RELB: variants seen among roughly 807,000 people sequenced by gnomAD.
RELB encodes the protein RELB proto-oncogene, NF-kB subunit.
RELB carries 14 observed loss-of-function variants against 55.4 expected under a neutral mutation model. The ratio of observed to expected loss-of-function variants is 0.25; its 90% CI spans 0.17 to 0.40. The LOEUF (loss-of-function observed/expected upper bound fraction) is 0.40, where lower values mean the gene tolerates loss of function less well. RELB is among the 10% of genes least tolerant of loss of function. The pLI, the probability that RELB is intolerant of heterozygous loss-of-function variation, is 1.00. For missense variants in RELB, 669 were observed against 830.7 expected, an observed-to-expected ratio of 0.81 and a Z score of 2.39; for synonymous variants, 409 against 371.3, an observed-to-expected ratio of 1.10 and a Z score of -1.17.
At chr19:45,031,729 C>T (rs1013845504) in intron 8 of RELB, among the ~76,000 whole-genome samples, 1 of 151,722 alleles carries the variant, frequency 6.6e-6, no homozygotes, top group African/African-American at 2.4e-5. Context: ...GCGCCTGCCA[C>T]CATGCCCGGC....
chr19:45,033,356 G>A (rs774481507), intron 9 of RELB, among the ~76,000 whole-genome samples: 6 of 152,080 alleles, frequency 3.9e-5, no homozygotes, highest in Non-Finnish European at 5.9e-5. Context: ...TCCTGAGGCC[G>A]GATTGTGCCT....
chr19:45,034,716 G>T (rs1366148059), intron 11 of RELB, among the ~76,000 whole-genome samples, 188 bp downstream of exon 11: 1 of 152,086 alleles, frequency 6.6e-6, no homozygotes, highest in African/African-American at 2.4e-5. Flanking sequence ...ATCTCTTCTG[G>T]GCCATTTCCT....
intron 4 of RELB, among the ~76,000 whole-genome samples, chr19:45,014,240 G>T (rs1199871036): frequency 6.7e-6 from 1 of 149,140 alleles, no homozygotes; most frequent in South Asian, 2.1e-4. Context: ...CACAAGCACG[G>T]CTCACTGCAG....
rs1008310583 is a variant in RELB, at chr19:45,037,985, C to T, written c.*195C>T. On this transcript the variant is annotated 3_prime_UTR_variant, in exon 12 of 12. Transcript: ENST00000221452. ...ATTTTACAGATGAGGAAACTGAGTC[C>T]GGAGAGGAAAAGGGACATGGCTCCC... The T allele has an allele frequency of 2.0e-6, 1 of 490,912 alleles. No individual in the cohort carries two copies. The highest frequency in any genetic ancestry group is 3.4e-6 in the Non-Finnish European group (1 of 296,218). The allele number at this position is 490,912 out of a possible 1,614,324, so 30.4% of individuals were successfully genotyped here. A position where few individuals can be genotyped will look rare whatever the true frequency, so the allele number is the denominator to read the frequency against.
At chr19:45,022,420 T>G (rs535657162) in intron 5 of RELB, among the ~76,000 whole-genome samples, 1 of 152,190 alleles carries the variant, frequency 6.6e-6, no homozygotes, top group East Asian at 1.9e-4. Context: ...TTTATCCCTA[T>G]TTTGTAGAGG....
In RELB at chr19:45,012,074, C is replaced by A; in HGVS notation, c.302C>A (p.Pro101Gln). The change falls in exon 4 of 12, where the codon CCA (proline) becomes CAA (glutamine). Residue 101 changes from proline (P) to glutamine (Q), a missense_variant. By Grantham distance (76) the Pro-to-Gln change is moderately conservative (BLOSUM62 -1). Coordinates refer to ENST00000221452, the MANE Select transcript of RELB (RefSeq NM_006509.4). ...GTCACCCTGGGCCCTGTGGCGCCCC[C>A]AGCCACGCCGCCGCCTTGGGGCTGC... ...STVTLGPVAP[P>Q]ATPPPWGCPL... The A allele has an allele frequency of 6.4e-7, 1 of 1,550,610 alleles. No individual in the cohort carries two copies. The highest frequency in any genetic ancestry group is 8.7e-7 in the Non-Finnish European group (1 of 1,153,212).
At chr19:45,028,184 A>AT (rs912344654) in intron 7 of RELB, among the ~76,000 whole-genome samples, 55 of 149,304 alleles carry the variant, frequency 3.7e-4, no homozygotes, top group African/African-American at 1.1e-3. Flanking sequence ...ATGCCTGGCA[A>AT]TTTTTTTTTT....
chr19:45,002,919 A>C, intron 1 of RELB, 30 bp from the exon 2 acceptor site: 1 of 1,606,902 alleles, frequency 6.2e-7, no homozygotes, highest in Non-Finnish European at 8.5e-7. Context: ...GCCCCCCATC[A>C]CCTCCTGAGA....
At chr19:45,004,356 G>C (rs1971256716) in intron 2 of RELB, among the ~76,000 whole-genome samples, 1 of 151,276 alleles carries the variant, frequency 6.6e-6, no homozygotes, top group Non-Finnish European at 1.5e-5. Flanking sequence ...CCAAGTAGCT[G>C]GGATTACAGT....
At chr19:45,028,385 CCT>C (rs761967965) in intron 7 of RELB, among the ~76,000 whole-genome samples, 23 of 151,812 alleles carry the variant, frequency 1.5e-4, no homozygotes, top group Non-Finnish European at 1.9e-4. Context: ...ACGGAGTTTT[CCT>C]CTGTCACGAT....
At chr19:45,030,267 G>A (rs1221788364) in intron 8 of RELB, among the ~76,000 whole-genome samples, 1 of 152,158 alleles carries the variant, frequency 6.6e-6, no homozygotes, top group African/African-American at 2.4e-5. Context: ...GAGCCCAGGA[G>A]TTTGAGTCCA....
intron 4 of RELB, among the ~76,000 whole-genome samples, chr19:45,012,688 G>T (rs562422796): frequency 1.9e-3 from 289 of 150,578 alleles, no homozygotes; most frequent in African/African-American, 6.5e-3. Flanking sequence ...TGTGAGCTGA[G>T]ATTGCACCAT....
At chr19:45,013,765 G>A (rs1011212351) in intron 4 of RELB, among the ~76,000 whole-genome samples, 1 of 152,060 alleles carries the variant, frequency 6.6e-6, no homozygotes, top group Non-Finnish European at 1.5e-5. Context: ...CCGGGAGGCA[G>A]AGGCTGCGGT....
chr19:45,001,513 C>A lies in RELB; in HGVS notation c.-67C>A. On this transcript the variant is annotated 5_prime_UTR_variant, in exon 1 of 12. Coordinates refer to ENST00000221452, the MANE Select transcript of RELB (RefSeq NM_006509.4). The stretch of plus-strand genomic sequence containing the variant: ...GCCCGGCCTGCGGCCCCAGCCCTTG[C>A]GCCGCTCGTCCGACCCGCGATCGTC... The A allele has an allele frequency of 2.3e-6, 2 of 870,298 alleles. No individual in the cohort carries two copies. The highest frequency in any genetic ancestry group is 3.1e-6 in the Non-Finnish European group (2 of 647,288). 53.9% of individuals were successfully genotyped at this position (870,298 alleles called of 1,614,324 possible). A position where few individuals can be genotyped will look rare whatever the true frequency, so the allele number is the denominator to read the frequency against.
intron 2 of RELB, 94 bp from the exon 3 acceptor site, chr19:45,009,720 A>AG (rs1389223072): frequency 1.4e-6 from 2 of 1,428,856 alleles, no homozygotes; most frequent in Non-Finnish European, 1.9e-6. Context: ...GGGTCACAGG[A>AG]GGGACAGGGT....
chr19:45,037,598 G>A lies in RELB; in HGVS notation c.1548G>A (p.Val516=), dbSNP rs1971708818. Residue 516 remains valine (V), a synonymous_variant, in exon 12 of 12, where the codon GTG becomes GTA. Coordinates refer to ENST00000221452, the MANE Select transcript of RELB (RefSeq NM_006509.4). ...PPAPPHASAV[V]CSGGAGAVVG... is the part of the protein sequence containing the mutation. ...CACCGCCACACGCTAGCGCTGTTGT[G>A]TGCAGCGGAGGTGCCGGGGCCGTGG... 3 of 1,608,446 alleles carry A rather than the reference G, an allele frequency of 1.9e-6. No homozygotes were observed. Among genetic ancestry groups the A allele is most frequent in the South Asian group, 1.1e-5 (1 of 90,720 alleles).
Position 45,022,082 on chromosome 19 carries a change from G to A in RELB, c.534G>A (p.Val178=), listed in dbSNP as rs766902127. The A allele has an allele frequency of 6.2e-7, 1 of 1,612,938 alleles. No homozygotes were observed. Among genetic ancestry groups the A allele is most frequent in the African/African-American group, 1.3e-5 (1 of 74,906 alleles). The part of the protein sequence containing the change: ...ELRDCGGLRE[V]EVTACLVWKD... ...GGGATTGTGGAGGGCTGCGGGAGGT[G>A]GAGGTGACTGCCTGCCTGGTGTGGA... Residue 178 remains valine (V), a synonymous_variant, in exon 5 of 12, where the codon GTG becomes GTA. Transcript: ENST00000221452.
At position 45,020,502 on chromosome 19, in the gene RELB, C is replaced by G. The variant is rs1971470522; in HGVS notation, c.505-1551C>G. ...GTACTGGGATTACAGGCGTGAGCCA[C>G]TGTGCCTGGCCCATCATTTGTTGTC... On this transcript the variant is annotated intron_variant, in intron 4 of 11. Coordinates refer to ENST00000221452, the MANE Select transcript of RELB (RefSeq NM_006509.4). Among the ~76,000 whole-genome samples the G allele has an allele frequency of 2.6e-5, 4 of 151,012 alleles. No homozygotes were observed. In the Admixed American group the frequency reaches 2.7e-4, roughly 10 times the overall value.
intron 2 of RELB, among the ~76,000 whole-genome samples, chr19:45,008,000 C>CAAAAAAAAAAA (rs57007961): frequency 1.1e-4 from 7 of 63,010 alleles, no homozygotes; most frequent in Non-Finnish European, 1.5e-4. Flanking sequence ...GCTAAAAATA[C>CAAAAAAAAAAA]AAAAAAAAAA....
Sources: gnomAD v4.1 joint callset for allele counts (sites outside exome capture counted in the v4.1 genomes callset) on GRCh38, gnomAD v4.1.1 for gene constraint, MANE v1.5 for transcripts, NCBI Gene and HGNC (gene_info 2026-07-23, HGNC 2026-07-21) for gene names.